Variants in DCN observed in about 807,000 individuals in gnomAD.
The protein encoded by DCN is bone proteoglycan II.
A neutral mutation model predicts 36.5 loss-of-function variants in DCN; 17 were observed. The observed-to-expected ratio is 0.47, with a 90% CI of 0.32 to 0.70. The LOEUF (loss-of-function observed/expected upper bound fraction) is 0.70, where lower values mean the gene tolerates loss of function less well. DCN is among the 30% of genes least tolerant of loss of function. DCN has a pLI of 0.04. For synonymous variants in DCN, 163 were observed against 161.4 expected (o/e 1.01, Z -0.07); for missense variants, 389 against 430.1 (o/e 0.90, Z 0.84).
chr12:91,159,781 A>G (rs868415396), intron 3 of DCN, among the ~76,000 whole-genome samples: 20 of 152,122 alleles, frequency 1.3e-4, no homozygotes, highest in African/African-American at 4.3e-4. Context: ...TATGTCTAAC[A>G]AAACCACATG....
At chr12:91,166,711 T>A (rs1882597185) in intron 2 of DCN, among the ~76,000 whole-genome samples, 2 of 151,674 alleles carry the variant, frequency 1.3e-5, no homozygotes, top group Admixed American at 6.6e-5. Context: ...TATGTTGTCA[T>A]CCTAAAATTT....
At chr12:91,149,271 G>T (rs2121155754) in intron 7 of DCN, among the ~76,000 whole-genome samples, 1 of 152,142 alleles carries the variant, frequency 6.6e-6, no homozygotes, top group South Asian at 2.1e-4. Flanking sequence ...TTATCTCAGG[G>T]TTGTAAAATT....
intron 3 of DCN, among the ~76,000 whole-genome samples, chr12:91,164,206 G>C (rs1348107620): frequency 6.6e-6 from 1 of 151,714 alleles, no homozygotes; most frequent in Non-Finnish European, 1.5e-5. Context: ...TCACACTCTG[G>C]GGACTGTGGT....
intron 1 of DCN, among the ~76,000 whole-genome samples, chr12:91,179,037 GC>G (rs1883465361): frequency 6.6e-6 from 1 of 151,988 alleles, no homozygotes; most frequent in South Asian, 2.1e-4. Flanking sequence ...TTTGATCCAG[GC>G]CCTTCTCATC....
Position 91,145,671 on chromosome 12 carries a change from C to G in DCN, c.*387G>C. 2 of 337,134 alleles carry G rather than the reference C, an allele frequency of 5.9e-6. No individual in the cohort carries two copies. Among genetic ancestry groups the G allele is most frequent in the Admixed American group, 4.3e-5 (1 of 23,396 alleles). The allele number at this position is 337,134 out of a possible 1,614,324, so 20.9% of individuals were successfully genotyped here. A position where few individuals can be genotyped will look rare whatever the true frequency, so the allele number is the denominator to read the frequency against. On this transcript the variant is annotated 3_prime_UTR_variant, in exon 8 of 8. Transcript: ENST00000052754. ...TACAGAGCTAGTGTTTGGCATTTGA[C>G]TTTATCTCAAATGAGCTAACTGCTC...
intron 2 of DCN, chr12:91,175,532 A>T (rs1348898751): frequency 6.6e-6 from 1 of 152,100 alleles, no homozygotes; most frequent in Admixed American, 6.5e-5. Context: ...TGCCAAGAAT[A>T]TTTCTTAGTG....
At chr12:91,152,352 C>A (rs1881486660) in intron 6 of DCN, among the ~76,000 whole-genome samples, 1 of 150,832 alleles carries the variant, frequency 6.6e-6, no homozygotes, top group Non-Finnish European at 1.5e-5. Flanking sequence ...ATTTATCCAC[C>A]ATGAAATTTA....
intron 2 of DCN, among the ~76,000 whole-genome samples, chr12:91,165,599 AT>A (rs1400226886): frequency 1.3e-5 from 2 of 152,168 alleles, no homozygotes; most frequent in Admixed American, 1.3e-4. Context: ...AAATTATTAA[AT>A]AAGGCCTTTT....
chr12:91,178,712 G>T, intron 1 of DCN, 127 bp from the exon 2 acceptor site: 2 of 683,134 alleles, frequency 2.9e-6, no homozygotes, highest in Non-Finnish European at 5.2e-6. Context: ...TTGTTATCAG[G>T]AAGCAGAGCA....
Position 91,157,061 on chromosome 12 carries a change from G to A in DCN, c.652+14C>T, listed in dbSNP as rs764534812. The A allele has an allele frequency of 3.3e-6, 5 of 1,512,686 alleles. No individual in the cohort carries two copies. The highest frequency in any genetic ancestry group is 2.8e-6 in the Non-Finnish European group (3 of 1,087,984). 93.7% of individuals were successfully genotyped at this position (1,512,686 alleles called of 1,614,324 possible). On this transcript the variant is annotated intron_variant, in intron 5 of 7. Transcript: ENST00000052754. ...TTTAAATTTTTCAAAATGTTTTGGA[G>A]AATCTTCTATCACCTTGAGGAATGC...
At chr12:91,171,133 G>C (rs887043754) in intron 2 of DCN, among the ~76,000 whole-genome samples, 1 of 152,048 alleles carries the variant, frequency 6.6e-6, no homozygotes, top group Non-Finnish European at 1.5e-5. Flanking sequence ...TGAAAACAAA[G>C]TCATTAAGGT....
chr12:91,172,329 T>C (rs1883017968), intron 2 of DCN: 1 of 154,852 alleles, frequency 6.5e-6, no homozygotes, highest in South Asian at 1.9e-4. Flanking sequence ...TTATTGACTT[T>C]CAACAATTTT....
chr12:91,155,254 C>T (rs889947010), intron 5 of DCN, among the ~76,000 whole-genome samples: 1 of 152,130 alleles, frequency 6.6e-6, no homozygotes, highest in African/African-American at 2.4e-5. Context: ...GCCTCATTTT[C>T]CACTTTTATG....
At chr12:91,172,494 G>A (rs1565787475) in intron 2 of DCN, 4 of 228,828 alleles carry the variant, frequency 1.7e-5, no homozygotes, top group Non-Finnish European at 3.4e-5. Flanking sequence ...CTTAAAAATG[G>A]CAATCTGACT....
At position 91,151,677 on chromosome 12, in the gene DCN, G is replaced by T; in HGVS notation, c.862C>A (p.Leu288Met). 1 of 1,614,010 alleles carries T rather than the reference G, an allele frequency of 6.2e-7. No individual in the cohort carries two copies. Among genetic ancestry groups the T allele is most frequent in the Non-Finnish European group, 8.5e-7 (1 of 1,179,946 alleles). Reference protein sequence around the residue: ...NNKLTRVPGGLAEHKYIQVVY... With the variant: ...NNKLTRVPGGMAEHKYIQVVY... ...ACCTGGATGTACTTATGCTCTGCCA[G>T]CCCACCAGGTACTCTGGTAAGCTTG... The change falls in exon 7 of 8, where the codon CTG becomes ATG. Residue 288 changes from leucine (L) to methionine (M), a missense_variant. Leu to Met is a conservative substitution (Grantham distance 15). Coordinates refer to ENST00000052754, the MANE Select transcript of DCN (RefSeq NM_001920.5).
intron 2 of DCN, among the ~76,000 whole-genome samples, 193 bp downstream of exon 2, chr12:91,178,149 G>GGAGA (rs147689159): frequency 6.6e-6 from 1 of 151,332 alleles, no homozygotes; most frequent in Non-Finnish European, 1.5e-5. Flanking sequence ...GGACAGAGAG[G>GGAGA]GAGAGAGAGA....
intron 7 of DCN, among the ~76,000 whole-genome samples, chr12:91,148,750 T>A (rs3138280): frequency 0.017 from 1,707 of 100,670 alleles, 40 homozygotes; most frequent in African/African-American, 0.047. Context: ...AAAAAAAAAA[T>A]TTGAAATATT....
chr12:91,172,696 A>G (rs1032582952), intron 2 of DCN: 15 of 682,846 alleles, frequency 2.2e-5, no homozygotes, highest in African/African-American at 1.8e-4. Flanking sequence ...GCAGCTTGCT[A>G]GAGTCAAGAA....
intron 7 of DCN, among the ~76,000 whole-genome samples, chr12:91,149,662 C>T (rs1881279687): frequency 6.6e-6 from 1 of 152,090 alleles, no homozygotes; most frequent in Admixed American, 6.5e-5. Flanking sequence ...CTAAAGCTGT[C>T]TATTTTTAAA....
Sources: allele counts gnomAD v4.1 joint callset (sites outside exome capture counted in the v4.1 genomes callset), GRCh38; gene constraint gnomAD v4.1.1; transcripts MANE v1.5; gene names NCBI Gene and HGNC (gene_info 2026-07-23, HGNC 2026-07-21).